Variants in SIN3A observed in about 807,000 individuals in gnomAD.
The protein encoded by SIN3A is SIN3 transcription regulator family member A, also known as paired amphipathic helix protein Sin3a.
A neutral mutation model predicts 146.1 loss-of-function variants in SIN3A; 14 were observed. The ratio of observed to expected loss-of-function variants is 0.10; its 90% confidence interval spans 0.06 to 0.15. The LOEUF (loss-of-function observed/expected upper bound fraction) is 0.15, where lower values mean the gene tolerates loss of function less well. SIN3A is among the 10% of genes least tolerant of loss of function. SIN3A has a pLI of 1.00. For synonymous variants in SIN3A, 572 were observed against 572.0 expected, an observed-to-expected ratio of 1.00 and a Z score of 0.00; for missense variants, 1,028 against 1,576.0, an observed-to-expected ratio of 0.65 and a Z score of 5.89.
chr15:75,408,443 T>G (rs978482984), intron 8 of SIN3A, among the ~76,000 whole-genome samples: 1 of 152,212 alleles, frequency 6.6e-6, no homozygotes, highest in Admixed American at 6.6e-5. Flanking sequence ...CAGCCACCTC[T>G]TACTATTAGA....
intron 16 of SIN3A, among the ~76,000 whole-genome samples, chr15:75,389,197 G>A (rs895296714): frequency 6.6e-6 from 1 of 151,948 alleles, no homozygotes; most frequent in Non-Finnish European, 1.5e-5. Flanking sequence ...GCAGTGGCTC[G>A]TGTCTATAAT....
At position 75,442,456 on chromosome 15, in the gene SIN3A, T is replaced by C. The variant is rs143375580; in HGVS notation, c.-34+8967A>G. On this transcript the variant is annotated intron_variant, in intron 1 of 20. Transcript: ENST00000394947. ...CCAAGAAGGTGGGATTGCAGGCATA[T>C]GCCACTGCACCCAGCCCAGTTCTGA... Among the ~76,000 whole-genome samples, 1,226 of 151,464 alleles carry C rather than the reference T, an allele frequency of 8.1e-3. 4 individuals carry two copies. The highest frequency in any genetic ancestry group is 0.015 in the South Asian group (74 of 4,784).
intron 2 of SIN3A, 47 bp downstream of exon 2, chr15:75,430,140 A>T: frequency 6.7e-7 from 1 of 1,485,656 alleles, no homozygotes; most frequent in Non-Finnish European, 9.4e-7. Flanking sequence ...GCCTAAAACC[A>T]CTATTTCTCT....
chr15:75,427,887 C>G (rs1256753949), intron 2 of SIN3A, among the ~76,000 whole-genome samples: 1 of 152,034 alleles, frequency 6.6e-6, no homozygotes, highest in Admixed American at 6.6e-5. Context: ...AGGAGAATCA[C>G]TTGAGCCCGG....
intron 4 of SIN3A, 137 bp from the exon 5 acceptor site, chr15:75,413,182 G>A: frequency 1.3e-6 from 1 of 786,494 alleles, no homozygotes; most frequent in East Asian, 3.1e-5. Flanking sequence ...GTGCAATCTT[G>A]GGGTCTTGGC....
intron 17 of SIN3A, among the ~76,000 whole-genome samples, chr15:75,382,250 G>C (rs2072986321): frequency 6.6e-6 from 1 of 152,222 alleles, no homozygotes; most frequent in Admixed American, 6.5e-5. Flanking sequence ...CCAGAAGCTA[G>C]ATCTAGCTCA....
intron 8 of SIN3A, among the ~76,000 whole-genome samples, chr15:75,408,930 G>A (rs558953279): frequency 2.0e-5 from 3 of 152,308 alleles, no homozygotes; most frequent in East Asian, 1.9e-4. Flanking sequence ...GGGGCCAGGC[G>A]CGGTGGCTCA....
chr15:75,391,515 A>G (rs557945195), intron 15 of SIN3A, among the ~76,000 whole-genome samples: 158 of 152,024 alleles, frequency 1.0e-3, no homozygotes, highest in East Asian at 6.2e-3. Flanking sequence ...AAAAAAAAAA[A>G]AAGAAGAAGA....
intron 9 of SIN3A, among the ~76,000 whole-genome samples, chr15:75,406,759 A>C (rs1343847416): frequency 6.6e-6 from 1 of 152,206 alleles, no homozygotes; most frequent in Non-Finnish European, 1.5e-5. Context: ...TGCCACACAG[A>C]CCTGGATATC....
chr15:75,434,141 T>C (rs2074061294), intron 1 of SIN3A, among the ~76,000 whole-genome samples: 1 of 152,188 alleles, frequency 6.6e-6, no homozygotes, highest in Admixed American at 6.5e-5. Context: ...TCCCTTTACT[T>C]ATTTAAGGCA....
chr15:75,401,756 C>A, intron 10 of SIN3A, 96 bp downstream of exon 10: 1 of 759,656 alleles, frequency 1.3e-6, no homozygotes, highest in Non-Finnish European at 2.3e-6. Flanking sequence ...TGATGTATCT[C>A]AAGTAAATTA....
chr15:75,444,026 G>A (rs917983193), intron 1 of SIN3A, among the ~76,000 whole-genome samples: 2 of 152,100 alleles, frequency 1.3e-5, no homozygotes, highest in African/African-American at 4.8e-5. Context: ...TTTGAGAATT[G>A]ATGAGTAATG....
At chr15:75,385,944 G>A (rs2073067811) in intron 16 of SIN3A, among the ~76,000 whole-genome samples, 1 of 152,186 alleles carries the variant, frequency 6.6e-6, no homozygotes, top group Admixed American at 6.5e-5. Flanking sequence ...TTAAGATACA[G>A]TGTTTTAGGA....
At chr15:75,423,063 G>A (rs756175496) in intron 2 of SIN3A, among the ~76,000 whole-genome samples, 1 of 151,756 alleles carries the variant, frequency 6.6e-6, no homozygotes, top group Admixed American at 6.6e-5. Flanking sequence ...GTGAGACCAC[G>A]TCTCTAAAAA....
At chr15:75,406,313 C>G (rs1042725887) in intron 9 of SIN3A, among the ~76,000 whole-genome samples, 6 of 152,208 alleles carry the variant, frequency 3.9e-5, no homozygotes, top group African/African-American at 1.4e-4. Context: ...AGCTGGGTAG[C>G]TTTGAAAACA....
At chr15:75,446,408 G>T (rs887474493) in intron 1 of SIN3A, 1 of 150,196 alleles carries the variant, frequency 6.7e-6, no homozygotes, top group African/African-American at 2.5e-5. Context: ...GAAGAAAAAC[G>T]AAAGAAGGAC....
chr15:75,393,166 T>C (rs1236124947), intron 14 of SIN3A, among the ~76,000 whole-genome samples: 1 of 152,116 alleles, frequency 6.6e-6, no homozygotes, highest in Non-Finnish European at 1.5e-5. Flanking sequence ...GAGGCAAAGG[T>C]TGCAGTGAGC....
intron 16 of SIN3A, among the ~76,000 whole-genome samples, chr15:75,389,309 A>G (rs1444935914): frequency 1.3e-5 from 2 of 152,004 alleles, no homozygotes; most frequent in Non-Finnish European, 2.9e-5. Flanking sequence ...TAAGGAAAAA[A>G]AAAAAAAACT....
chr15:75,454,122 G>T (rs1264776772), upstream of SIN3A, among the ~76,000 whole-genome samples: 1 of 151,802 alleles, frequency 6.6e-6, no homozygotes, highest in Non-Finnish European at 1.5e-5. Flanking sequence ...GGGACCTTGC[G>T]CCTCACGTCA....
Sources: gnomAD v4.1 joint callset for allele counts (sites outside exome capture counted in the v4.1 genomes callset) on GRCh38, gnomAD v4.1.1 for gene constraint, MANE v1.5 for transcripts, NCBI Gene and HGNC (gene_info 2026-07-23, HGNC 2026-07-21) for gene names.